LRRTM4: variants seen among roughly 807,000 people sequenced by gnomAD.
LRRTM4 encodes the protein leucine-rich repeat transmembrane neuronal protein 4.
In LRRTM4, 25 loss-of-function variants were observed where a neutral mutation model predicts 47.6. The observed-to-expected ratio is 0.53, with a 90% CI of 0.38 to 0.73. The LOEUF is 0.73. Ranked by LOEUF, LRRTM4 falls within the 30% of genes least tolerant of loss-of-function variation. The pLI, the probability that LRRTM4 is intolerant of heterozygous loss-of-function variation, is 0.00. For synonymous variants in LRRTM4, 311 were observed against 269.5 expected, an observed-to-expected ratio of 1.15 and a Z score of -1.51; for missense variants, 638 against 713.4, an observed-to-expected ratio of 0.89 and a Z score of 1.20.
rs76835044 is a variant in LRRTM4 at position 77,155,642 on chromosome 2, G to T, written c.1551+362676C>A. Among the ~76,000 whole-genome samples, 1,194 of 151,952 alleles carry T rather than the reference G, an allele frequency of 7.9e-3. 15 individuals carry two copies. The highest frequency in any genetic ancestry group is 0.027 in the African/African-American group (1,119 of 41,422). On this transcript the variant is annotated intron_variant, in intron 3 of 3. Coordinates refer to ENST00000409884, the MANE Select transcript of LRRTM4 (RefSeq NM_001134745.3). ...GGTGTGGGGGAGAAAGACCTTCCTA[G>T]CAGACAGGAATGAAGAAAGATATCA...
At chr2:77,316,813 T>C (rs1190552060) in intron 3 of LRRTM4, among the ~76,000 whole-genome samples, 1 of 152,110 alleles carries the variant, frequency 6.6e-6, no homozygotes, top group Non-Finnish European at 1.5e-5. Flanking sequence ...CTCAAAACGA[T>C]GAGATTATAT....
intron 3 of LRRTM4, among the ~76,000 whole-genome samples, chr2:77,369,575 T>C (rs1344174210): frequency 6.6e-6 from 1 of 151,810 alleles, no homozygotes; most frequent in Admixed American, 6.6e-5. Flanking sequence ...TGTGAGATAA[T>C]AGATATGTTA....
chr2:76,815,756 A>T (rs1670879089), intron 3 of LRRTM4, among the ~76,000 whole-genome samples: 1 of 152,126 alleles, frequency 6.6e-6, no homozygotes, highest in African/African-American at 2.4e-5. Flanking sequence ...GGTAACATAA[A>T]GTAAATATGT....
intron 3 of LRRTM4, among the ~76,000 whole-genome samples, chr2:77,459,907 A>G (rs993233368): frequency 1.3e-5 from 2 of 152,144 alleles, no homozygotes; most frequent in African/African-American, 2.4e-5. Flanking sequence ...CCTTTTAGCA[A>G]TGAGCTTCTG....
chr2:77,389,955 A>G (rs1673433443), intron 3 of LRRTM4, among the ~76,000 whole-genome samples: 1 of 152,012 alleles, frequency 6.6e-6, no homozygotes, highest in African/African-American at 2.4e-5. Context: ...GCTACCCTTA[A>G]ATCTGGTCAG....
intron 3 of LRRTM4, among the ~76,000 whole-genome samples, chr2:76,772,654 C>T (rs1268348283): frequency 6.6e-6 from 1 of 152,090 alleles, no homozygotes; most frequent in East Asian, 1.9e-4. Flanking sequence ...TTTCTTTCTC[C>T]ACTCCTTTGA....
At chr2:77,188,313 A>T (rs1256800789) in intron 3 of LRRTM4, among the ~76,000 whole-genome samples, 1 of 152,186 alleles carries the variant, frequency 6.6e-6, no homozygotes, top group Admixed American at 6.6e-5. Context: ...ATGATGCAAA[A>T]CAAATTCTTC....
In LRRTM4 at chr2:77,378,986, A is replaced by T. The variant is rs536922487; in HGVS notation, c.1551+139332T>A. Among the ~76,000 whole-genome samples the T allele has an allele frequency of 6.7e-4, 102 of 151,744 alleles. 1 individual carries two copies. In the South Asian group the frequency reaches 0.02, roughly 30 times the overall value. On this transcript the variant is annotated intron_variant, in intron 3 of 3. Transcript: ENST00000409884. ...TTATCACTGAAAATGTTTTTTGTTC[A>T]TTTTGTCTAATATTGTTGTCATTTG...
In LRRTM4 at chr2:76,905,864, A is replaced by C. The variant is rs181199709; in HGVS notation, c.1552-156948T>G. On this transcript the variant is annotated intron_variant, in intron 3 of 3. Coordinates refer to ENST00000409884, the MANE Select transcript of LRRTM4 (RefSeq NM_001134745.3). ...GACTTTGTGAAAAGACCAAATCTAC[A>C]TCTGATTGGTGTACCTGAAAGTGAC... Among the ~76,000 whole-genome samples the C allele has an allele frequency of 5.8e-3, 878 of 152,272 alleles. 7 individuals carry two copies. The highest frequency in any genetic ancestry group is 0.02 in the African/African-American group (817 of 41,554).
intron 3 of LRRTM4, among the ~76,000 whole-genome samples, chr2:77,475,130 A>G (rs997829003): frequency 6.6e-6 from 1 of 152,074 alleles, no homozygotes; most frequent in Non-Finnish European, 1.5e-5. Context: ...GTTTCTCTCC[A>G]AAACATGTTA....
chr2:76,959,629 A>C (rs997229615), intron 3 of LRRTM4, among the ~76,000 whole-genome samples: 2 of 151,828 alleles, frequency 1.3e-5, no homozygotes, highest in Non-Finnish European at 1.5e-5. Context: ...CCTATTGGAA[A>C]ATTTTCATGA....
chr2:76,992,748 A>G (rs1188832318), intron 3 of LRRTM4, among the ~76,000 whole-genome samples: 1 of 151,386 alleles, frequency 6.6e-6, no homozygotes, highest in East Asian at 1.9e-4. Context: ...TATCGGTGTC[A>G]TTTTTTATAG....
chr2:77,442,107 T>C (rs1235860110), intron 3 of LRRTM4, among the ~76,000 whole-genome samples: 1 of 152,098 alleles, frequency 6.6e-6, no homozygotes, highest in African/African-American at 2.4e-5. Context: ...TGGAAAGACA[T>C]GGTCACAGAG....
At chr2:76,967,849 G>T (rs207461877) in intron 3 of LRRTM4, among the ~76,000 whole-genome samples, 2 of 150,818 alleles carry the variant, frequency 1.3e-5, no homozygotes, top group Non-Finnish European at 3.0e-5. Flanking sequence ...AAATACTCAT[G>T]CTATAATATT....
At chr2:77,187,051 C>T (rs1673527470) in intron 3 of LRRTM4, among the ~76,000 whole-genome samples, 1 of 152,166 alleles carries the variant, frequency 6.6e-6, no homozygotes, top group Non-Finnish European at 1.5e-5. Context: ...ACACAAATCT[C>T]ATTTACTGCA....
chr2:77,362,185 G>C (rs1558707526), intron 3 of LRRTM4, among the ~76,000 whole-genome samples: 2 of 151,422 alleles, frequency 1.3e-5, no homozygotes, highest in African/African-American at 4.9e-5. Flanking sequence ...AAGGAAGGAA[G>C]AGTTCTTAAT....
chr2:77,279,782 G>A (rs1343892799), intron 3 of LRRTM4, among the ~76,000 whole-genome samples: 1 of 151,838 alleles, frequency 6.6e-6, no homozygotes, highest in African/African-American at 2.4e-5. Flanking sequence ...ACATGAAGTT[G>A]GTTGAATATT....
At chr2:77,410,400 A>G (rs1421818448) in intron 3 of LRRTM4, among the ~76,000 whole-genome samples, 1 of 152,162 alleles carries the variant, frequency 6.6e-6, no homozygotes, top group Non-Finnish European at 1.5e-5. Context: ...CCCCTGTTAG[A>G]TATCTTAAGC....
At position 76,955,462 on chromosome 2, in the gene LRRTM4, T is replaced by C. The variant is rs185092718; in HGVS notation, c.1552-206546A>G. On this transcript the variant is annotated intron_variant, in intron 3 of 3. Transcript: ENST00000409884. ...CATAAGAAAATATAGACATAAGATATGAAAAATAAAATGAGAAAGGAATCA... is the reference window on the plus strand; with the variant it reads ...CATAAGAAAATATAGACATAAGATACGAAAAATAAAATGAGAAAGGAATCA... Among the ~76,000 whole-genome samples the C allele has an allele frequency of 2.2e-3, 334 of 151,546 alleles. 7 individuals are homozygous for C. The highest frequency in any genetic ancestry group is 7.8e-3 in the African/African-American group (323 of 41,334).
Sources: allele counts gnomAD v4.1 joint callset (sites outside exome capture counted in the v4.1 genomes callset), GRCh38; gene constraint gnomAD v4.1.1; transcripts MANE v1.5; gene names NCBI Gene and HGNC (gene_info 2026-07-23, HGNC 2026-07-21).